Variants in NRP1 observed in about 807,000 individuals in gnomAD.
NRP1 encodes the protein neuropilin-1.
A neutral mutation model predicts 106.7 loss-of-function variants in NRP1; 35 were observed. The observed-to-expected ratio is 0.33, with a 90% CI of 0.25 to 0.43. NRP1 has a LOEUF of 0.43. Among genes scored for constraint, NRP1 ranks in the 20% least tolerant of loss-of-function variants. The probability of loss-of-function intolerance (pLI) is 1.00; values close to 1 mark genes in which losing one functional copy is unlikely to be tolerated. For synonymous variants in NRP1, 437 were observed against 417.9 expected (o/e 1.05, Z -0.56); for missense variants, 1,024 against 1,170.4 (o/e 0.87, Z 1.83).
At chr10:33,198,653 T>A (rs1394390831) in intron 11 of NRP1, among the ~76,000 whole-genome samples, 4 of 151,986 alleles carry the variant, frequency 2.6e-5, no homozygotes, top group African/African-American at 7.3e-5. Flanking sequence ...CCTCTAAGCT[T>A]CAAATCGTTT....
At chr10:33,328,342 A>G (rs1264591499) in intron 2 of NRP1, among the ~76,000 whole-genome samples, 1 of 149,614 alleles carries the variant, frequency 6.7e-6, no homozygotes, top group Non-Finnish European at 1.5e-5. Flanking sequence ...AATAATTAGT[A>G]TACGCTGATT....
intron 2 of NRP1, among the ~76,000 whole-genome samples, chr10:33,310,697 C>G (rs968585123): frequency 6.6e-6 from 1 of 152,170 alleles, no homozygotes; most frequent in Admixed American, 6.5e-5. Context: ...TCAGGACGTA[C>G]CTTTCTTTCT....
chr10:33,270,301 T>C (rs1462014166), intron 3 of NRP1, among the ~76,000 whole-genome samples: 1 of 152,072 alleles, frequency 6.6e-6, no homozygotes, highest in Non-Finnish European at 1.5e-5. Flanking sequence ...CACTTTGTCT[T>C]TCGTGAAATC....
At chr10:33,330,999 A>T in intron 1 of NRP1, 117 bp from the exon 2 acceptor site, 1 of 851,798 alleles carries the variant, frequency 1.2e-6, no homozygotes, top group South Asian at 2.0e-5. Context: ...GAACTCTAAA[A>T]GGTCCCCGTA....
At chr10:33,191,775 G>A (rs764722626) in intron 13 of NRP1, among the ~76,000 whole-genome samples, 18 of 151,990 alleles carry the variant, frequency 1.2e-4, no homozygotes, top group Non-Finnish European at 2.1e-4. Flanking sequence ...TCAGGAGTTC[G>A]AGACCAGCCC....
chr10:33,222,840 A>ATGAGGCATGTGACTGCAAATG (rs1456667938), intron 7 of NRP1, among the ~76,000 whole-genome samples: 5 of 152,192 alleles, frequency 3.3e-5, no homozygotes, highest in African/African-American at 1.2e-4. Context: ...TCTAAGAAAG[A>ATGAGGCATGTGACTGCAAATG]TGAGGCATGT....
intron 2 of NRP1, among the ~76,000 whole-genome samples, chr10:33,289,489 G>T (rs1294827626): frequency 1.3e-5 from 2 of 152,162 alleles, no homozygotes; most frequent in Admixed American, 6.5e-5. Flanking sequence ...CCTGTTTAGA[G>T]AAATAAAATG....
intron 8 of NRP1, among the ~76,000 whole-genome samples, chr10:33,218,825 G>A (rs1488204242): frequency 1.3e-5 from 2 of 151,992 alleles, no homozygotes; most frequent in East Asian, 1.9e-4. Flanking sequence ...AGGTCCAGCC[G>A]CTTGTTTCTC....
chr10:33,273,382 A>G (rs1355843349), intron 2 of NRP1, among the ~76,000 whole-genome samples: 2 of 152,146 alleles, frequency 1.3e-5, no homozygotes, highest in Non-Finnish European at 2.9e-5. Flanking sequence ...CTCCCTCTGG[A>G]GTTGATACCA....
rs755377330 is a variant in NRP1, at chr10:33,256,459, A to G, written c.671T>C (p.Ile224Thr). 1.2e-6 allele frequency: 2 copies of G among 1,614,156 alleles called. No individual in the cohort carries two copies. The highest frequency in any genetic ancestry group is 1.7e-6 in the Non-Finnish European group (2 of 1,179,996). The stretch of plus-strand genomic sequence containing the variant: ...TGTTTTCTGTCCACAGTAACGCCCA[A>G]TGTGAGGGCCAACTGGAAAGGGAGG... ...WDGFPDVGPHIGRYCGQKTPG... is the reference protein window; with the variant it reads ...WDGFPDVGPHTGRYCGQKTPG... Residue 224 changes from isoleucine (I) to threonine (T), a missense_variant, in exon 5 of 17, where the codon ATT becomes ACT. Physicochemically the swap from Ile to Thr is moderately conservative, Grantham distance 89 (BLOSUM62 -1). Transcript: ENST00000374867.
At chr10:33,251,261 A>T (rs947501297) in intron 6 of NRP1, among the ~76,000 whole-genome samples, 1 of 151,880 alleles carries the variant, frequency 6.6e-6, no homozygotes, top group Non-Finnish European at 1.5e-5. Context: ...TTCTGCCATG[A>T]TCTTAACTTT....
intron 2 of NRP1, among the ~76,000 whole-genome samples, chr10:33,307,896 C>A (rs964812365): frequency 1.3e-5 from 2 of 152,094 alleles, no homozygotes; most frequent in African/African-American, 2.4e-5. Flanking sequence ...AATCATTCTA[C>A]CATAAAGACA....
At chr10:33,256,555 C>G (rs1842211613) in intron 4 of NRP1, 84 bp from the exon 5 acceptor site, 2 of 1,433,280 alleles carry the variant, frequency 1.4e-6, no homozygotes, top group African/African-American at 2.8e-5. Context: ...AAGATGGGCC[C>G]CAGTAGAACC....
At chr10:33,194,251 C>G (rs1836617195) in intron 12 of NRP1, 1 of 153,488 alleles carries the variant, frequency 6.5e-6, no homozygotes, top group Admixed American at 6.5e-5. Flanking sequence ...TGCATAATCT[C>G]ATGTTAGAAA....
At chr10:33,199,302 T>C (rs1276374081) in intron 11 of NRP1, among the ~76,000 whole-genome samples, 1 of 143,576 alleles carries the variant, frequency 7.0e-6, no homozygotes, top group Non-Finnish European at 1.5e-5. Context: ...GCTCAAGGGA[T>C]CCTTCCACTT....
At chr10:33,233,726 G>A (rs995838257) in intron 6 of NRP1, among the ~76,000 whole-genome samples, 3 of 152,160 alleles carry the variant, frequency 2.0e-5, no homozygotes, top group Non-Finnish European at 4.4e-5. Flanking sequence ...AGGACAAAGA[G>A]CTGAGGTCTG....
chr10:33,275,531 G>A (rs12249072), intron 2 of NRP1, among the ~76,000 whole-genome samples: 3,347 of 151,996 alleles, frequency 0.022, 113 homozygotes, highest in African/African-American at 0.074. Context: ...TGGCGCCACT[G>A]CACACTAGCC....
chr10:33,319,588 C>CTTTCTT (rs1272326402), intron 2 of NRP1, among the ~76,000 whole-genome samples: 4 of 115,618 alleles, frequency 3.5e-5, no homozygotes, highest in African/African-American at 1.3e-4. Flanking sequence ...TTCTTTCTTT[C>CTTTCTT]TTTTTTTTTT....
intron 11 of NRP1, chr10:33,201,714 T>C (rs1157228363): frequency 6.6e-6 from 1 of 152,138 alleles, no homozygotes; most frequent in Non-Finnish European, 1.5e-5. Context: ...TGAATGTAAA[T>C]GATTATCCTG....
Sources: allele counts gnomAD v4.1 joint callset (sites outside exome capture counted in the v4.1 genomes callset), GRCh38; gene constraint gnomAD v4.1.1; transcripts MANE v1.5; gene names NCBI Gene and HGNC (gene_info 2026-07-23, HGNC 2026-07-21).